C11orf65: variants seen among roughly 807,000 people sequenced by gnomAD.
The protein encoded by C11orf65 is chromosome 11 open reading frame 65, also known as protein MFI.
A neutral mutation model predicts 35.3 loss-of-function variants in C11orf65; 38 were observed. The observed-to-expected ratio is 1.08, with a 90% CI of 0.83 to 1.41. C11orf65 has a LOEUF of 1.41. Ranked by LOEUF, C11orf65 falls within the 40% of genes most tolerant of loss-of-function variation. The probability of loss-of-function intolerance (pLI) is 0.00; values close to 1 mark genes in which losing one functional copy is unlikely to be tolerated. For synonymous variants in C11orf65, 105 were observed against 114.4 expected (o/e 0.92, Z 0.53); for missense variants, 370 against 367.1 (o/e 1.01, Z -0.06).
At chr11:108,444,977 G>A (rs183105045) in intron 2 of C11orf65, among the ~76,000 whole-genome samples, 1,889 of 152,254 alleles carry the variant, frequency 0.012, 51 homozygotes, top group African/African-American at 0.042. Context: ...TGGCTCGGAG[G>A]GTCCTACGCC....
At chr11:108,380,943 G>A (rs1565626094), downstream of C11orf65, among the ~76,000 whole-genome samples, 1 of 152,108 alleles carries the variant, frequency 6.6e-6, no homozygotes, top group Non-Finnish European at 1.5e-5. Context: ...CAATTTTACA[G>A]TAAAGGAATT....
chr11:108,463,258 T>G (rs1239993346), intron 1 of C11orf65, among the ~76,000 whole-genome samples: 1 of 151,976 alleles, frequency 6.6e-6, no homozygotes, highest in African/African-American at 2.4e-5. Context: ...AGACAGAGGC[T>G]AAACAGAAAA....
Position 108,331,781 on chromosome 11 carries a change from T to C in C11orf65, c.300-214A>G, listed in dbSNP as rs2086270247. On this transcript the variant is annotated intron_variant, in intron 3 of 3. Transcript: ENST00000524755. ...CATACACGCTCTACCCACTGCAGTA[T>C]CTAGACAGTAATACACATTTTAATG... is the stretch of plus-strand genomic sequence containing the variant. The C allele has an allele frequency of 3.5e-6, 5 of 1,421,082 alleles. No individual in the cohort carries two copies. In the East Asian group the frequency reaches 1.2e-4, roughly 35 times the overall value. The allele number at this position is 1,421,082 out of a possible 1,614,324, so 88.0% of individuals were successfully genotyped here.
At chr11:108,408,707 A>ATAAAAAAT (rs2092598212) in intron 3 of C11orf65, among the ~76,000 whole-genome samples, 2 of 88,820 alleles carry the variant, frequency 2.3e-5, no homozygotes, top group African/African-American at 3.4e-5. Flanking sequence ...ATAAAATAAA[A>ATAAAAAAT]TAAAATAAAA....
chr11:108,451,070 T>C (rs1312425221), intron 2 of C11orf65, among the ~76,000 whole-genome samples: 1 of 151,926 alleles, frequency 6.6e-6, no homozygotes. Context: ...GGGCAAAAAC[T>C]GGAAGCATTC....
rs201934068 is a variant in C11orf65, at chr11:108,354,058, TACACACACACAAACACACAC to T, written c.227-18786_227-18767del. On this transcript the variant is annotated intron_variant, in intron 2 of 3. Coordinates refer to the C11orf65 transcript ENST00000524755. ...CAGCAAGACCCTGTATCTAAAAAAA[TACACACACACAAACACACAC>T]ACACACACACACACACACACACACA... is the stretch of plus-strand genomic sequence containing the variant. Among the ~76,000 whole-genome samples, 133 of 67,056 alleles carry T rather than the reference TACACACACACAAACACACAC, an allele frequency of 2.0e-3. 2 individuals are homozygous for T. The East Asian group carries it at 0.049, about 24-fold the overall frequency. The allele number at this position is 67,056 out of a possible 152,430, so 44.0% of individuals were successfully genotyped here.
intron 3 of C11orf65, among the ~76,000 whole-genome samples, chr11:108,409,731 C>A (rs2138714433): frequency 6.6e-6 from 1 of 152,278 alleles, no homozygotes; most frequent in South Asian, 2.1e-4. Flanking sequence ...GCATTACTGC[C>A]TGAGCTCCCC....
chr11:108,325,645 G>C (rs2085601520), intron 6 of C11orf65: 1 of 986,284 alleles, frequency 1.0e-6, no homozygotes, highest in South Asian at 1.4e-5. Flanking sequence ...TTAAGAGATA[G>C]AGATCTCTAT....
rs118035145 is a variant in C11orf65 at position 108,414,777 on chromosome 11, G to C, written c.175-7628C>G. 5.5e-3 allele frequency among the ~76,000 whole-genome samples: 838 copies of C among 152,036 alleles called. 5 individuals are homozygous for C. Among genetic ancestry groups the C allele is most frequent in the Non-Finnish European group, 9.9e-3 (675 of 67,926 alleles). On this transcript the variant is annotated intron_variant, in intron 3 of 8. Coordinates refer to ENST00000393084, the MANE Select transcript of C11orf65 (RefSeq NM_152587.5). ...GACATTACATGAAAGGAAAATTATAGACCAATATCTCTCATGAGCATAGAC... is the reference window on the plus strand; with the variant it reads ...GACATTACATGAAAGGAAAATTATACACCAATATCTCTCATGAGCATAGAC...
chr11:108,437,728 AAAAAAAAAAAG>A (rs1448485843), intron 2 of C11orf65, among the ~76,000 whole-genome samples: 1 of 149,416 alleles, frequency 6.7e-6, no homozygotes, highest in African/African-American at 2.5e-5. Context: ...AAAAAAAAAA[AAAAAAAAAAAG>A]GATAAGGAAA....
At chr11:108,385,555 G>A (rs1351958905) in intron 8 of C11orf65, among the ~76,000 whole-genome samples, 1 of 152,040 alleles carries the variant, frequency 6.6e-6, no homozygotes, top group Non-Finnish European at 1.5e-5. Context: ...GGTGGCGGGT[G>A]CCTGTAGTTC....
Position 108,318,294 on chromosome 11 carries a change from G to A in C11orf65, c.641-9223C>T, listed in dbSNP as rs768464474. ...GGAGAATTGCTAGAACACGGGAGAC[G>A]GAGGTTGCAGTGAGCTGAGATAGCA... On this transcript the variant is annotated intron_variant, in intron 6 of 6. Coordinates refer to the C11orf65 transcript ENST00000525729. Among the ~76,000 whole-genome samples the A allele has an allele frequency of 7.9e-5, 12 of 151,946 alleles. 1 individual carries two copies. The highest frequency in any genetic ancestry group is 4.1e-4 in the South Asian group (2 of 4,824).
intron 6 of C11orf65, among the ~76,000 whole-genome samples, chr11:108,323,408 G>A (rs1379857906): frequency 6.6e-6 from 1 of 152,154 alleles, no homozygotes; most frequent in African/African-American, 2.4e-5. Context: ...GGGTGTTGTG[G>A]AGGGAGAGGA....
intron 7 of C11orf65, among the ~76,000 whole-genome samples, chr11:108,386,693 T>TA (rs1431624600): frequency 1.3e-5 from 2 of 152,132 alleles, no homozygotes; most frequent in African/African-American, 4.8e-5. Context: ...AAGGTGCCTT[T>TA]ACAACTGCAC....
intron 6 of C11orf65, chr11:108,319,924 G>C (rs2136217232): frequency 6.7e-7 from 1 of 1,489,192 alleles, no homozygotes; most frequent in Non-Finnish European, 9.4e-7. Context: ...CTGTTTTTAA[G>C]TATATTTTTT....
At chr11:108,354,515 A>ATAAT (rs2089643640) in intron 2 of C11orf65, among the ~76,000 whole-genome samples, 2 of 152,228 alleles carry the variant, frequency 1.3e-5, no homozygotes, top group South Asian at 4.1e-4. Context: ...GTGTAAACTA[A>ATAAT]TAATTGCCAC....
rs3092837 is a variant in C11orf65, at chr11:108,366,192, T to G, written c.226+27016A>C. ...ATTAAAACTTCTCATTCTATTCTCT[T>G]TATCTTTTAAGCCCTTCTGTACTGT... On this transcript the variant is annotated intron_variant, in intron 2 of 3. Coordinates refer to the C11orf65 transcript ENST00000524755. The G allele has an allele frequency of 8.3e-3, 1,612 of 194,936 alleles. 27 individuals carry two copies. The highest frequency in any genetic ancestry group is 0.034 in the African/African-American group (1,492 of 43,400). 12.1% of individuals were successfully genotyped at this position (194,936 alleles called of 1,614,324 possible).
chr11:108,406,041 A>C (rs754651491), intron 5 of C11orf65, among the ~76,000 whole-genome samples: 33 of 152,196 alleles, frequency 2.2e-4, no homozygotes, highest in Non-Finnish European at 4.4e-4. Context: ...GCTCTATCAC[A>C]CATACCCTAG....
At chr11:108,376,693 T>C (rs1404091433) in intron 2 of C11orf65, among the ~76,000 whole-genome samples, 1 of 152,070 alleles carries the variant, frequency 6.6e-6, no homozygotes, top group African/African-American at 2.4e-5. Flanking sequence ...ATCCAGGAGC[T>C]GGTTTTTTGA....
Sources: gnomAD v4.1 joint callset for allele counts (sites outside exome capture counted in the v4.1 genomes callset) on GRCh38, gnomAD v4.1.1 for gene constraint, MANE v1.5 for transcripts, NCBI Gene and HGNC (gene_info 2026-07-23, HGNC 2026-07-21) for gene names.